The following CNTNAP2 variants were observed in gnomAD, a reference collection of about 807,000 sequenced individuals.
The protein encoded by CNTNAP2 is contactin associated protein 2.
CNTNAP2 carries 98 observed loss-of-function variants against 155.2 expected under a neutral mutation model. That is an observed-to-expected ratio of 0.63 (90% CI 0.54 to 0.75). The LOEUF (loss-of-function observed/expected upper bound fraction) is 0.75. Ranked by LOEUF, CNTNAP2 falls within the 30% of genes least tolerant of loss-of-function variation. The pLI, the probability that CNTNAP2 is intolerant of heterozygous loss-of-function variation, is 0.00. For missense variants in CNTNAP2, 1,727 were observed against 1,688.1 expected, an observed-to-expected ratio of 1.02 and a Z score of -0.40; for synonymous variants, 651 against 631.2, an observed-to-expected ratio of 1.03 and a Z score of -0.47.
chr7:146,525,723 T>C (rs925767274), intron 1 of CNTNAP2, among the ~76,000 whole-genome samples: 1 of 152,174 alleles, frequency 6.6e-6, no homozygotes, highest in Non-Finnish European at 1.5e-5. Flanking sequence ...AGCAGCTTCC[T>C]GGGCATCTGG....
chr7:147,347,427 TATATATATATATGC>T (rs1198418943), intron 9 of CNTNAP2, among the ~76,000 whole-genome samples: 1,221 of 55,320 alleles, frequency 0.022, 14 homozygotes, highest in African/African-American at 0.042. Context: ...AGATTATATA[TATATATATATATGC>T]ATATATATAT....
intron 11 of CNTNAP2, among the ~76,000 whole-genome samples, chr7:147,524,642 T>C (rs1441286561): frequency 1.3e-5 from 2 of 152,182 alleles, no homozygotes; most frequent in Non-Finnish European, 1.5e-5. Flanking sequence ...GCAACATGCA[T>C]ACTCTGTGCA....
chr7:146,712,121 T>TA (rs1352402003), intron 1 of CNTNAP2, among the ~76,000 whole-genome samples: 14 of 120,190 alleles, frequency 1.2e-4, no homozygotes, highest in African/African-American at 3.4e-4. Context: ...TATACATATA[T>TA]GTATACATAT....
intron 1 of CNTNAP2, among the ~76,000 whole-genome samples, chr7:146,730,046 C>T (rs574202055): frequency 5.3e-5 from 8 of 152,188 alleles, no homozygotes; most frequent in Non-Finnish European, 1.0e-4. Flanking sequence ...CAACGTCTTG[C>T]CATTATCTAC....
intron 15 of CNTNAP2, among the ~76,000 whole-genome samples, chr7:147,985,192 T>C (rs2116875078): frequency 6.6e-6 from 1 of 152,004 alleles, no homozygotes. Flanking sequence ...ATTTATTCTC[T>C]CTGGTAATCC....
intron 1 of CNTNAP2, among the ~76,000 whole-genome samples, chr7:146,618,977 G>A (rs535046357): frequency 2.2e-4 from 34 of 151,994 alleles, no homozygotes; most frequent in African/African-American, 8.2e-4. Context: ...GGCTGAGGTA[G>A]GAGAATCGCT....
At chr7:147,236,306 C>A (rs1257898951) in intron 8 of CNTNAP2, among the ~76,000 whole-genome samples, 1 of 152,204 alleles carries the variant, frequency 6.6e-6, no homozygotes, top group Non-Finnish European at 1.5e-5. Flanking sequence ...TTGCCCTAAA[C>A]CCCACTGGCT....
chr7:147,148,757 T>C (rs1801765910), intron 8 of CNTNAP2, among the ~76,000 whole-genome samples: 2 of 152,256 alleles, frequency 1.3e-5, no homozygotes, highest in Admixed American at 1.3e-4. Context: ...GAGTTGTTTA[T>C]TCCTCCTGGA....
chr7:147,543,731 T>C lies in CNTNAP2; in HGVS notation c.1778-18407T>C, dbSNP rs182137152. Among the ~76,000 whole-genome samples the C allele has an allele frequency of 2.5e-3, 387 of 152,308 alleles. 3 individuals carry two copies. The highest frequency in any genetic ancestry group is 8.9e-3 in the African/African-American group (369 of 41,582). On this transcript the variant is annotated intron_variant, in intron 11 of 23. Transcript: ENST00000361727. ...AATTTATATGAAGCTTAACCCTCAC[T>C]GTTTGGGTATATCCATCTCTCATTT...
chr7:147,286,778 T>C (rs1287626329), intron 8 of CNTNAP2, among the ~76,000 whole-genome samples: 2 of 152,116 alleles, frequency 1.3e-5, no homozygotes, highest in African/African-American at 4.8e-5. Flanking sequence ...TATCTTCCCT[T>C]TCCATTCACC....
At chr7:148,186,566 G>T (rs1318115832) in intron 18 of CNTNAP2, among the ~76,000 whole-genome samples, 2 of 152,120 alleles carry the variant, frequency 1.3e-5, no homozygotes, top group Admixed American at 1.3e-4. Flanking sequence ...TCAGACAACT[G>T]GAAAGATTTC....
At chr7:147,793,669 T>A (rs911143158) in intron 13 of CNTNAP2, among the ~76,000 whole-genome samples, 8 of 152,142 alleles carry the variant, frequency 5.3e-5, no homozygotes, top group Non-Finnish European at 1.2e-4. Flanking sequence ...AATTTTCACA[T>A]GAAATTTAAG....
chr7:146,191,053 T>C (rs1337455475), intron 1 of CNTNAP2, among the ~76,000 whole-genome samples: 2 of 152,308 alleles, frequency 1.3e-5, no homozygotes, highest in East Asian at 1.9e-4. Context: ...TAGTATTCTT[T>C]CTGGTCACCA....
At chr7:147,262,591 T>A (rs1804501789) in intron 8 of CNTNAP2, among the ~76,000 whole-genome samples, 1 of 152,034 alleles carries the variant, frequency 6.6e-6, no homozygotes, top group African/African-American at 2.4e-5. Context: ...GATCACGGGT[T>A]CAGGAGATCG....
At chr7:146,501,955 G>A (rs1797306338) in intron 1 of CNTNAP2, among the ~76,000 whole-genome samples, 1 of 151,756 alleles carries the variant, frequency 6.6e-6, no homozygotes, top group Non-Finnish European at 1.5e-5. Flanking sequence ...CAAACAAGGA[G>A]GTATTTGTTT....
At chr7:147,106,483 A>G (rs975880718) in intron 4 of CNTNAP2, among the ~76,000 whole-genome samples, 3 of 152,090 alleles carry the variant, frequency 2.0e-5, no homozygotes, top group Non-Finnish European at 4.4e-5. Context: ...TCTGTGATTC[A>G]CAGTCTCAGA....
intron 1 of CNTNAP2, among the ~76,000 whole-genome samples, chr7:146,461,121 A>C (rs1796629928): frequency 6.6e-6 from 1 of 152,004 alleles, no homozygotes; most frequent in African/African-American, 2.4e-5. Context: ...TACCTTAATA[A>C]GGCTGGGCGC....
At chr7:147,211,449 A>T (rs915758356) in intron 8 of CNTNAP2, among the ~76,000 whole-genome samples, 1 of 152,090 alleles carries the variant, frequency 6.6e-6, no homozygotes, top group Non-Finnish European at 1.5e-5. Context: ...ACAGCATAGC[A>T]CTGGCACAAA....
At chr7:148,087,212 G>T (rs1207945057) in intron 15 of CNTNAP2, among the ~76,000 whole-genome samples, 4 of 152,076 alleles carry the variant, frequency 2.6e-5, no homozygotes, top group Non-Finnish European at 5.9e-5. Context: ...ATTATGTGGG[G>T]CCCCATGTTG....
Sources: gnomAD v4.1 joint callset for allele counts (sites outside exome capture counted in the v4.1 genomes callset) on GRCh38, gnomAD v4.1.1 for gene constraint, MANE v1.5 for transcripts, NCBI Gene and HGNC (gene_info 2026-07-23, HGNC 2026-07-21) for gene names.